The following FREM1 variants were observed in gnomAD, a reference collection of about 807,000 sequenced individuals.
FREM1 encodes the protein FRAS1-related extracellular matrix protein 1.
FREM1 carries 220 observed loss-of-function variants against 210.1 expected under a neutral mutation model. That is an observed-to-expected ratio of 1.05 (90% confidence interval 0.94 to 1.17). FREM1 has a LOEUF of 1.17. Among genes scored for constraint, FREM1 ranks in the 50% most tolerant of loss-of-function variants. FREM1 has a pLI of 0.00. For synonymous variants in FREM1, 1,189 were observed against 980.2 expected (o/e 1.21, Z -3.98); for missense variants, 3,454 against 2,675.5 (o/e 1.29, Z -6.42).
At chr9:14,747,513 G>A in intron 32 of FREM1, 85 bp from the exon 33 acceptor site, 1 of 1,369,188 alleles carries the variant, frequency 7.3e-7, no homozygotes, top group Non-Finnish European at 1.0e-6. Context: ...CAAAAATTCA[G>A]TCAAAGCAAA....
intron 1 of FREM1, among the ~76,000 whole-genome samples, chr9:14,907,844 G>C (rs1055234208): frequency 4.6e-5 from 7 of 152,184 alleles, no homozygotes; most frequent in Non-Finnish European, 1.0e-4. Context: ...TCAGAGCTAG[G>C]AAGATACCAA....
intron 24 of FREM1, among the ~76,000 whole-genome samples, chr9:14,780,592 C>T (rs1373882432): frequency 6.6e-6 from 1 of 152,074 alleles, no homozygotes; most frequent in Non-Finnish European, 1.5e-5. Flanking sequence ...CCAGCAGCAC[C>T]AAACAATGCA....
chr9:14,740,190 C>T lies in FREM1; in HGVS notation c.6299G>A (p.Arg2100Gln), dbSNP rs753471106. The T allele has an allele frequency of 2.0e-5, 33 of 1,612,954 alleles. No homozygotes were observed. Among genetic ancestry groups the T allele is most frequent in the Admixed American group, 1.0e-4 (6 of 59,938 alleles). Residue 2100 changes from arginine to glutamine, a missense_variant, in exon 36 of 37, where the codon CGG (arginine) becomes CAG (glutamine). Arg to Gln is a conservative substitution (Grantham distance 43). Coordinates refer to ENST00000380880, the MANE Select transcript of FREM1 (RefSeq NM_001379081.2). Reference sequence around the variant, plus strand: ...TCTCCCACCAATGTCCCAGAGCCACCGCATGTGCTGCCTGGAGAATACAGT... The same window carrying T: ...TCTCCCACCAATGTCCCAGAGCCACTGCATGTGCTGCCTGGAGAATACAGT... ...LVTVFSRQHM[R>Q]WLWDIGGRKS...
chr9:14,802,308 G>A (rs1021736239), intron 19 of FREM1, among the ~76,000 whole-genome samples: 4 of 152,116 alleles, frequency 2.6e-5, no homozygotes, highest in African/African-American at 4.8e-5. Context: ...ATTTCCATCT[G>A]CTTTATAAGT....
At chr9:14,901,490 T>C (rs934219052) in intron 1 of FREM1, among the ~76,000 whole-genome samples, 2 of 152,064 alleles carry the variant, frequency 1.3e-5, no homozygotes, top group Non-Finnish European at 1.5e-5. Context: ...GCTTTCTCCA[T>C]GGGATAAACA....
intron 11 of FREM1, 143 bp from the exon 12 acceptor site, chr9:14,824,258 G>A: frequency 1.7e-6 from 1 of 597,074 alleles, no homozygotes. Flanking sequence ...TATGTTGGGA[G>A]ATTCTAGCAT....
intron 6 of FREM1, among the ~76,000 whole-genome samples, chr9:14,849,127 G>C (rs953166346): frequency 6.6e-6 from 1 of 152,130 alleles, no homozygotes; most frequent in Non-Finnish European, 1.5e-5. Flanking sequence ...TTTTCAACTA[G>C]GGGTGATGTT....
intron 1 of FREM1, among the ~76,000 whole-genome samples, chr9:14,890,131 T>A (rs1275720238): frequency 1.3e-5 from 2 of 152,214 alleles, no homozygotes; most frequent in Non-Finnish European, 2.9e-5. Flanking sequence ...CAGAGAGTCT[T>A]TCCACCACAT....
Position 14,813,081 on chromosome 9 carries a change from A to G in FREM1, c.2641-17T>C. On this transcript the variant is annotated splice_polypyrimidine_tract_variant and intron_variant, in intron 15 of 36. Coordinates refer to ENST00000380880, the MANE Select transcript of FREM1 (RefSeq NM_001379081.2). Reference sequence around the variant, plus strand: ...AGGGAATACCTAGGCAATGGAAAAAATGCATGTTTTCAGAAAAAGAAAGAA... The same window carrying G: ...AGGGAATACCTAGGCAATGGAAAAAGTGCATGTTTTCAGAAAAAGAAAGAA... 1 of 1,585,736 alleles carries G rather than the reference A, an allele frequency of 6.3e-7. No individual in the cohort carries two copies. The highest frequency in any genetic ancestry group is 1.3e-5 in the African/African-American group (1 of 74,124).
chr9:14,801,396 A>T (rs1817262534), intron 20 of FREM1, among the ~76,000 whole-genome samples: 1 of 152,198 alleles, frequency 6.6e-6, no homozygotes, highest in South Asian at 2.1e-4. Context: ...CTGTCTTAGG[A>T]ATTTTCAAGT....
chr9:14,819,568 G>C (rs1820906770), intron 13 of FREM1, 126 bp from the exon 14 acceptor site: 1 of 612,946 alleles, frequency 1.6e-6, no homozygotes. Context: ...CAAGAATGTG[G>C]TAAGAGGATA....
Position 14,797,509 on chromosome 9 carries a change from T to C in FREM1, c.3828A>G (p.Pro1276=). The change falls in exon 21 of 37, where the codon CCA becomes CCG. Residue 1276 remains proline, a synonymous_variant. Transcript: ENST00000380880. ...TTCAGGTAGCTTACTTGCTCAGCAT[T>C]GGTTTTTCATCATTAACTGGGATGA... is the stretch of plus-strand genomic sequence containing the variant. ...VEVIPVNDEK[P]MLSKKAEIAM... 6.2e-7 allele frequency: 1 copy of C among 1,608,266 alleles called. No homozygotes were observed. Among genetic ancestry groups the C allele is most frequent in the East Asian group, 2.2e-5 (1 of 44,766 alleles).
At chr9:14,776,998 G>A (rs1848707618) in intron 24 of FREM1, among the ~76,000 whole-genome samples, 2 of 152,174 alleles carry the variant, frequency 1.3e-5, no homozygotes, top group African/African-American at 2.4e-5. Context: ...AGATCATAAG[G>A]GCAGGTAGGA....
chr9:14,846,229 A>C, intron 7 of FREM1, 138 bp from the exon 8 acceptor site: 1 of 628,056 alleles, frequency 1.6e-6, no homozygotes, highest in South Asian at 2.0e-5. Context: ...TGAAACTGGA[A>C]ACCATCATCC....
chr9:14,855,089 G>C (rs1828485742), intron 5 of FREM1, among the ~76,000 whole-genome samples: 1 of 151,834 alleles, frequency 6.6e-6, no homozygotes, highest in Non-Finnish European at 1.5e-5. Flanking sequence ...TTGGAACTAA[G>C]TCTAGGTGAT....
chr9:14,827,180 GAA>G, intron 10 of FREM1, among the ~76,000 whole-genome samples: 1 of 134,022 alleles, frequency 7.5e-6, no homozygotes, highest in Admixed American at 7.7e-5. Flanking sequence ...CTAGACAGAA[GAA>G]CCTCAATCTT....
intron 25 of FREM1, among the ~76,000 whole-genome samples, chr9:14,775,262 G>A (rs1848346327): frequency 6.6e-6 from 1 of 152,166 alleles, no homozygotes; most frequent in Admixed American, 6.5e-5. Context: ...TCCAAAGCGT[G>A]TGGCTTTTGC....
chr9:14,772,683 A>G (rs1387760180), intron 25 of FREM1, among the ~76,000 whole-genome samples: 3 of 152,216 alleles, frequency 2.0e-5, no homozygotes, highest in Non-Finnish European at 4.4e-5. Flanking sequence ...ATGGGTGGCA[A>G]CTTTCAAAGC....
intron 5 of FREM1, among the ~76,000 whole-genome samples, chr9:14,856,670 A>G (rs1828795699): frequency 6.6e-6 from 1 of 151,968 alleles, no homozygotes; most frequent in Non-Finnish European, 1.5e-5. Flanking sequence ...CTTCTCTACT[A>G]AAAATACAAA....
Sources: allele counts gnomAD v4.1 joint callset (sites outside exome capture counted in the v4.1 genomes callset), GRCh38; gene constraint gnomAD v4.1.1; transcripts MANE v1.5; gene names NCBI Gene and HGNC (gene_info 2026-07-23, HGNC 2026-07-21).